The following SLC9D1 variants were observed in gnomAD, a reference collection of about 807,000 sequenced individuals.
The protein encoded by SLC9D1 is solute carrier family 9 member D1.
the SLC9D1 span, among the ~76,000 whole-genome samples, chr13:113,537,942 C>G: frequency 6.6e-6 from 1 of 152,010 alleles, no homozygotes; most frequent in Non-Finnish European, 1.5e-5. Context: ...GGCATGTGTA[C>G]CTGTGTGCAT....
At chr13:113,509,832 G>A in the SLC9D1 span, among the ~76,000 whole-genome samples, 7 of 152,172 alleles carry the variant, frequency 4.6e-5, no homozygotes, top group South Asian at 2.1e-4. Context: ...CTATAGAGCC[G>A]CTTCGAATGC....
the SLC9D1 span, among the ~76,000 whole-genome samples, chr13:113,496,832 G>C: frequency 6.6e-6 from 1 of 152,184 alleles, no homozygotes; most frequent in Non-Finnish European, 1.5e-5. Context: ...TTGCCTGTGT[G>C]ATATGTGCAT....
chr13:113,522,481 C>T, the SLC9D1 span, among the ~76,000 whole-genome samples: 2 of 152,180 alleles, frequency 1.3e-5, no homozygotes, highest in Non-Finnish European at 2.9e-5. Flanking sequence ...GCTGGGACCA[C>T]AGGCACCTGC....
the SLC9D1 span, among the ~76,000 whole-genome samples, chr13:113,541,661 C>T: frequency 1.9e-3 from 242 of 130,804 alleles, no homozygotes; most frequent in African/African-American, 6.7e-3. Context: ...TTTATTACCG[C>T]CGAGATGTGT....
chr13:113,538,928 C>T, the SLC9D1 span, among the ~76,000 whole-genome samples: 2 of 152,238 alleles, frequency 1.3e-5, no homozygotes, highest in Admixed American at 6.5e-5. Context: ...TCGCTGGCTT[C>T]GTGCCCTCCC....
the SLC9D1 span, among the ~76,000 whole-genome samples, chr13:113,521,272 TG>T: frequency 3.4e-4 from 50 of 148,294 alleles, no homozygotes; most frequent in African/African-American, 1.1e-3. Context: ...GGTATGTCTG[TG>T]GGGGGGTATC....
At chr13:113,504,803 C>T in the SLC9D1 span, 2 of 152,146 alleles carry the variant, frequency 1.3e-5, no homozygotes, top group Non-Finnish European at 2.9e-5. Context: ...GTCTCTTTTT[C>T]GTATAATGAC....
chr13:113,500,894 G>A, the SLC9D1 span, among the ~76,000 whole-genome samples: 18 of 152,306 alleles, frequency 1.2e-4, no homozygotes, highest in Non-Finnish European at 2.2e-4. Flanking sequence ...TGGGGCTGCC[G>A]AGTGACTCTG....
chr13:113,495,471 TTAAC>T, the SLC9D1 span: 18 of 738,628 alleles, frequency 2.4e-5, no homozygotes, highest in East Asian at 2.5e-4. Flanking sequence ...GAATCATTGT[TTAAC>T]TATGTGTGAC....
chr13:113,497,321 G>T, the SLC9D1 span, among the ~76,000 whole-genome samples: 2 of 151,446 alleles, frequency 1.3e-5, no homozygotes, highest in Non-Finnish European at 2.9e-5. Context: ...CTGTGTGCAA[G>T]ACCTGCAGCT....
chr13:113,548,319 T>C, the SLC9D1 span: 2 of 1,614,116 alleles, frequency 1.2e-6, no homozygotes, highest in African/African-American at 2.7e-5. Context: ...CTGGCGGCGC[T>C]GGTCCTGTCT....
At chr13:113,541,162 C>T in the SLC9D1 span, among the ~76,000 whole-genome samples, 2 of 152,178 alleles carry the variant, frequency 1.3e-5, no homozygotes, top group African/African-American at 4.8e-5. Flanking sequence ...CAGCTTTGTT[C>T]CTTTTCTTGG....
the SLC9D1 span, among the ~76,000 whole-genome samples, chr13:113,543,135 AC>A: frequency 8.5e-5 from 3 of 35,146 alleles, no homozygotes; most frequent in African/African-American, 3.9e-4. Flanking sequence ...GTCCGTGACC[AC>A]CTCCTCCCCG....
At chr13:113,528,182 T>C in the SLC9D1 span, 2 of 152,190 alleles carry the variant, frequency 1.3e-5, no homozygotes, top group Non-Finnish European at 2.9e-5. Flanking sequence ...AAGTTGTGAT[T>C]TTCCCGATTC....
At chr13:113,548,488 G>T in the SLC9D1 span, 1 of 1,582,838 alleles carries the variant, frequency 6.3e-7, no homozygotes, top group East Asian at 2.3e-5. Flanking sequence ...CTTCTCGGGC[G>T]GCACGGGCTG....
At chr13:113,516,966 T>G in the SLC9D1 span, among the ~76,000 whole-genome samples, 1 of 152,234 alleles carries the variant, frequency 6.6e-6, no homozygotes, top group Non-Finnish European at 1.5e-5. Flanking sequence ...ACAAGCAGCG[T>G]TGGCCTCCAG....
the SLC9D1 span, among the ~76,000 whole-genome samples, chr13:113,539,829 A>G: frequency 1.3e-5 from 2 of 152,214 alleles, no homozygotes; most frequent in African/African-American, 4.8e-5. This position sits in a 1 kb window ranked among gnomAD's most constrained non-coding sequence, Gnocchi z 4.8. Flanking sequence ...GGTAATAAGC[A>G]TAGGACCCTC....
chr13:113,518,565 G>A, the SLC9D1 span, among the ~76,000 whole-genome samples: 5 of 152,222 alleles, frequency 3.3e-5, no homozygotes, highest in Non-Finnish European at 5.9e-5. Context: ...AGGTGTGAAC[G>A]TGTTATCTGC....
At chr13:113,516,565 CAA>C in the SLC9D1 span, among the ~76,000 whole-genome samples, 38 of 87,074 alleles carry the variant, frequency 4.4e-4, no homozygotes, top group Admixed American at 8.9e-4. Context: ...GACTCCATCT[CAA>C]AAAAAAAAAA....
Sources: gnomAD v4.1 joint callset for allele counts (sites outside exome capture counted in the v4.1 genomes callset) on GRCh38, gnomAD v4.1.1 for gene constraint, Gnocchi (gnomAD v3.1) non-coding constraint, MANE v1.5 for transcripts, NCBI Gene and HGNC (gene_info 2026-07-23, HGNC 2026-07-21) for gene names.